Variants in DISC1 observed in about 807,000 individuals in gnomAD.
The protein encoded by DISC1 is DISC1 scaffold protein.
In DISC1, 57 loss-of-function variants were observed where a neutral mutation model predicts 84.5. The observed-to-expected ratio is 0.67, with a 90% confidence interval of 0.55 to 0.84. The LOEUF is 0.84. DISC1 is among the 40% of genes least tolerant of loss of function. The probability of loss-of-function intolerance (pLI) is 0.00; values close to 1 mark genes in which losing one functional copy is unlikely to be tolerated. For missense variants in DISC1, 1,000 were observed against 1,057.8 expected (o/e 0.95, Z 0.76); for synonymous variants, 411 against 415.2 (o/e 0.99, Z 0.12).
rs1440050362 is a variant in DISC1, at chr1:231,694,131, GGC to G, written c.374_375del (p.Gly125AspfsTer5). On this transcript the variant is annotated frameshift_variant, in exon 2 of 13. Transcript: ENST00000439617. LOFTEE classifies it high-confidence loss of function. Reference sequence around the variant, plus strand: ...GCACTTTGGGATTCAGCTCAGAGGTGGCACCAGATTGCCTGACAGGCTTAGCT... The same window carrying G: ...GCACTTTGGGATTCAGCTCAGAGGTGACCAGATTGCCTGACAGGCTTAGCT... ...SAHFGIQLRG[G>X]TRLPDRLSWP... The G allele has an allele frequency of 6.2e-7, 1 of 1,614,078 alleles. No individual in the cohort carries two copies. The highest frequency in any genetic ancestry group is 1.3e-5 in the African/African-American group (1 of 74,950).
chr1:232,026,126 A>G (rs896202226), intron 11 of DISC1, among the ~76,000 whole-genome samples: 13 of 152,116 alleles, frequency 8.5e-5, no homozygotes. Context: ...TTGCCCATTG[A>G]TACAGCTGGA....
intron 3 of DISC1, among the ~76,000 whole-genome samples, chr1:231,743,102 C>T (rs2073519746): frequency 6.6e-6 from 1 of 152,200 alleles, no homozygotes; most frequent in South Asian, 2.1e-4. Flanking sequence ...GAGAACTTTT[C>T]ATCTGGCAGT....
intron 8 of DISC1, among the ~76,000 whole-genome samples, chr1:231,810,361 A>T (rs200418335): frequency 2.0e-5 from 3 of 152,222 alleles, no homozygotes; most frequent in Non-Finnish European, 2.9e-5. Flanking sequence ...TGGGAGCATC[A>T]ACTCAATCGC....
At chr1:232,015,860 C>T (rs200408692) in intron 11 of DISC1, among the ~76,000 whole-genome samples, 1 of 152,256 alleles carries the variant, frequency 6.6e-6, no homozygotes, top group East Asian at 1.9e-4. Context: ...CTCCTCCACC[C>T]GGCCCCCAGG....
At chr1:231,854,609 T>G (rs2125909083) in intron 9 of DISC1, 1 of 152,586 alleles carries the variant, frequency 6.6e-6, no homozygotes, top group Non-Finnish European at 1.5e-5. Context: ...CTGAAAAGAT[T>G]CAAGTTTGTA....
In DISC1 at chr1:231,778,390, CT is replaced by C. The variant is rs750761396; in HGVS notation, c.1634+7321del. Among the ~76,000 whole-genome samples the C allele has an allele frequency of 1.7e-3, 254 of 152,290 alleles. 1 individual carries two copies. The highest frequency in any genetic ancestry group is 6.8e-3 in the Middle Eastern group (2 of 294). On this transcript the variant is annotated intron_variant, in intron 6 of 12. Coordinates refer to ENST00000439617, the MANE Select transcript of DISC1 (RefSeq NM_018662.3). ...ATTTTATGAAATAAGTTAAAATAAGCTGCCTAAAAACCCCTCATAATTCTAT... is the reference window on the plus strand; with the variant it reads ...ATTTTATGAAATAAGTTAAAATAAGCGCCTAAAAACCCCTCATAATTCTAT...
At chr1:231,931,398 G>A (rs917266048) in intron 9 of DISC1, among the ~76,000 whole-genome samples, 1 of 152,202 alleles carries the variant, frequency 6.6e-6, no homozygotes, top group Non-Finnish European at 1.5e-5. Flanking sequence ...TGTACCGGGA[G>A]ATGCCCTAGG....
intron 3 of DISC1, among the ~76,000 whole-genome samples, chr1:231,745,173 T>C (rs182351881): frequency 1.4e-3 from 212 of 152,276 alleles, no homozygotes; most frequent in African/African-American, 4.8e-3. Flanking sequence ...ACATATAATA[T>C]ATAGTGATCA....
intron 9 of DISC1, among the ~76,000 whole-genome samples, chr1:231,860,740 T>A (rs1000943779): frequency 1.4e-4 from 22 of 152,334 alleles, no homozygotes; most frequent in Non-Finnish European, 2.8e-4. Context: ...CAATTCTCAT[T>A]TTTTGTTATC....
intron 9 of DISC1, among the ~76,000 whole-genome samples, chr1:231,879,090 A>ATT (rs547628120): frequency 2.2e-5 from 3 of 138,440 alleles, no homozygotes; most frequent in African/African-American, 2.6e-5. Flanking sequence ...AGTGTTTCCG[A>ATT]TTTTTTTTTT....
intron 11 of DISC1, among the ~76,000 whole-genome samples, chr1:232,012,348 C>T (rs1668089416): frequency 6.6e-6 from 1 of 152,108 alleles, no homozygotes; most frequent in African/African-American, 2.4e-5. Flanking sequence ...AGGAAAACTC[C>T]CGTTTGTATT....
chr1:231,819,145 G>A, intron 9 of DISC1: 19 of 985,870 alleles, frequency 1.9e-5, no homozygotes, highest in Non-Finnish European at 2.2e-5. Context: ...AGTGCAAATT[G>A]AGATGGTAAA....
chr1:231,941,965 C>G (rs1057452982), intron 9 of DISC1, among the ~76,000 whole-genome samples: 1 of 152,068 alleles, frequency 6.6e-6, no homozygotes, highest in Non-Finnish European at 1.5e-5. Flanking sequence ...AAGCTGCCCC[C>G]ACAGGGAGGG....
chr1:231,728,852 T>A (rs1446949011), intron 3 of DISC1, among the ~76,000 whole-genome samples: 7 of 152,180 alleles, frequency 4.6e-5, no homozygotes, highest in African/African-American at 1.4e-4. Context: ...ATATATATAT[T>A]TTTATTATGC....
chr1:231,999,282 G>A (rs1245300377), intron 10 of DISC1, among the ~76,000 whole-genome samples: 4 of 152,154 alleles, frequency 2.6e-5, no homozygotes, highest in African/African-American at 9.6e-5. Context: ...ACCGTGAGAG[G>A]ACAGAAATCT....
At chr1:231,988,016 T>G (rs996174198) in intron 10 of DISC1, among the ~76,000 whole-genome samples, 1 of 152,050 alleles carries the variant, frequency 6.6e-6, no homozygotes, top group Non-Finnish European at 1.5e-5. Flanking sequence ...TGAAACCCCG[T>G]CCCTACTAAA....
At chr1:231,764,961 G>T (rs1271978191) in intron 4 of DISC1, among the ~76,000 whole-genome samples, 4 of 152,126 alleles carry the variant, frequency 2.6e-5, no homozygotes, top group Non-Finnish European at 5.9e-5. Flanking sequence ...GGAGGCCGAG[G>T]TGGGCGGATC....
intron 7 of DISC1, among the ~76,000 whole-genome samples, chr1:231,797,515 CTTG>C (rs2078852303): frequency 6.6e-6 from 1 of 152,152 alleles, no homozygotes; most frequent in Non-Finnish European, 1.5e-5. Flanking sequence ...CGGTTGACTT[CTTG>C]TTGTATTCCT....
intron 9 of DISC1, among the ~76,000 whole-genome samples, chr1:231,865,616 T>C (rs913172920): frequency 6.6e-6 from 1 of 152,162 alleles, no homozygotes. Flanking sequence ...CATTCTCCCT[T>C]CCCCCAGCCT....
Sources: gnomAD v4.1 joint callset for allele counts (sites outside exome capture counted in the v4.1 genomes callset) on GRCh38, gnomAD v4.1.1 for gene constraint, MANE v1.5 for transcripts, NCBI Gene and HGNC (gene_info 2026-07-23, HGNC 2026-07-21) for gene names.